ADAMTS12: variants seen among roughly 807,000 people sequenced by gnomAD.
ADAMTS12 encodes the protein A disintegrin and metalloproteinase with thrombospondin motifs 12.
ADAMTS12 carries 118 observed loss-of-function variants against 167.8 expected under a neutral mutation model. The observed-to-expected ratio is 0.70, with a 90% CI of 0.61 to 0.82. The LOEUF (loss-of-function observed/expected upper bound fraction) is 0.82, where lower values mean the gene tolerates loss of function less well. Among genes scored for constraint, ADAMTS12 ranks in the 40% least tolerant of loss-of-function variants. The pLI, the probability that ADAMTS12 is intolerant of heterozygous loss-of-function variation, is 0.00. For synonymous variants in ADAMTS12, 704 were observed against 716.9 expected (o/e 0.98, Z 0.29); for missense variants, 1,916 against 1,998.8 (o/e 0.96, Z 0.79).
At chr5:33,850,661 A>G (rs1365793746) in intron 2 of ADAMTS12, among the ~76,000 whole-genome samples, 1 of 152,210 alleles carries the variant, frequency 6.6e-6, no homozygotes, top group African/African-American at 2.4e-5. Context: ...ACTCTGGATG[A>G]CCTGGGCTAG....
intron 22 of ADAMTS12, among the ~76,000 whole-genome samples, chr5:33,540,510 T>G (rs1579638242): frequency 6.6e-6 from 1 of 152,346 alleles, no homozygotes; most frequent in Admixed American, 6.5e-5. Context: ...CCTCCTCAAG[T>G]GGGTCCCTGA....
intron 18 of ADAMTS12, 100 bp from the exon 19 acceptor site, chr5:33,577,260 T>A: frequency 6.5e-7 from 1 of 1,530,262 alleles, no homozygotes; most frequent in Non-Finnish European, 8.9e-7. Context: ...GAAACTAAAC[T>A]ATGCAGCTAA....
intron 2 of ADAMTS12, among the ~76,000 whole-genome samples, chr5:33,762,095 G>A (rs996632887): frequency 6.6e-6 from 1 of 152,204 alleles, no homozygotes; most frequent in Non-Finnish European, 1.5e-5. Context: ...AGGAGGCTGA[G>A]ACAGGAGAAT....
Position 33,614,267 on chromosome 5 carries a change from C to T in ADAMTS12, c.2498G>A (p.Trp833Ter). 6.2e-7 allele frequency: 1 copy of T among 1,613,982 alleles called. No homozygotes were observed. The highest frequency in any genetic ancestry group is 8.5e-7 in the Non-Finnish European group (1 of 1,179,952). The change falls in exon 16 of 24, where the codon TGG (tryptophan) becomes TAG (stop). Residue 833 changes from tryptophan to a stop codon, truncating the protein, a stop_gained. Coordinates refer to ENST00000504830, the MANE Select transcript of ADAMTS12 (RefSeq NM_030955.4). LOFTEE classifies it high-confidence loss of function. ...CCCGCAGGTCACACTGCACTCTGTC[C>T]AGTGGCCGTACTGCCAGAAGTACAT... ...QQMYFWQYGH[W>*]TECSVTCGTG... is the part of the protein sequence containing the mutation.
In ADAMTS12 at chr5:33,741,665, G is replaced by T. The variant is rs151160981; in HGVS notation, c.634+9739C>A. On this transcript the variant is annotated intron_variant, in intron 3 of 23. Transcript: ENST00000504830. The stretch of plus-strand genomic sequence containing the variant: ...TTTTTTGGAGATGGAGTCTCACTCT[G>T]TCGCCAGGCTGGAGTGCAGTGGTGC... 4.8e-3 allele frequency among the ~76,000 whole-genome samples: 734 copies of T among 152,104 alleles called. 6 individuals are homozygous for T. The highest frequency in any genetic ancestry group is 0.017 in the African/African-American group (702 of 41,482).
chr5:33,831,316 A>G (rs954094428), intron 2 of ADAMTS12, among the ~76,000 whole-genome samples: 1 of 152,372 alleles, frequency 6.6e-6, no homozygotes, highest in Middle Eastern at 3.4e-3. Flanking sequence ...TACAATGGAA[A>G]GATGACAGAA....
chr5:33,683,406 T>C (rs938999622), intron 4 of ADAMTS12, among the ~76,000 whole-genome samples: 7 of 152,224 alleles, frequency 4.6e-5, no homozygotes, highest in Admixed American at 3.3e-4. Flanking sequence ...TTTTCCCACC[T>C]CAATAGGACT....
chr5:33,624,183 C>T, intron 14 of ADAMTS12, 48 bp downstream of exon 14: 1 of 1,609,968 alleles, frequency 6.2e-7, no homozygotes, highest in Non-Finnish European at 8.5e-7. Flanking sequence ...TTTATCTTGC[C>T]CCCCACCTTT....
chr5:33,625,862 A>T (rs963808052), intron 13 of ADAMTS12, among the ~76,000 whole-genome samples: 5 of 152,194 alleles, frequency 3.3e-5, no homozygotes, highest in Admixed American at 2.0e-4. Flanking sequence ...ATGAAGACAT[A>T]AACCAGTCCT....
intron 2 of ADAMTS12, among the ~76,000 whole-genome samples, chr5:33,864,923 G>A (rs1254649403): frequency 6.6e-6 from 1 of 152,060 alleles, no homozygotes; most frequent in African/African-American, 2.4e-5. Context: ...AACCACCATG[G>A]CCCATGTATA....
chr5:33,606,010 C>T (rs1020789103), intron 16 of ADAMTS12, among the ~76,000 whole-genome samples: 1 of 152,120 alleles, frequency 6.6e-6, no homozygotes, highest in African/African-American at 2.4e-5. Context: ...TGCAGAGGTG[C>T]AATCTCGACT....
intron 3 of ADAMTS12, among the ~76,000 whole-genome samples, chr5:33,719,368 C>A (rs186358654): frequency 6.6e-6 from 1 of 152,226 alleles, no homozygotes; most frequent in East Asian, 1.9e-4. Flanking sequence ...GAGCAGGCAC[C>A]CTCATACACT....
intron 16 of ADAMTS12, among the ~76,000 whole-genome samples, chr5:33,613,473 C>CG (rs1738832935): frequency 6.6e-6 from 1 of 152,150 alleles, no homozygotes; most frequent in Non-Finnish European, 1.5e-5. Context: ...CGCCAACCAA[C>CG]GAGATGTGAG....
chr5:33,813,885 A>T (rs1431348782), intron 2 of ADAMTS12, among the ~76,000 whole-genome samples: 1 of 152,240 alleles, frequency 6.6e-6, no homozygotes, highest in African/African-American at 2.4e-5. Flanking sequence ...TGCTCAAATT[A>T]CAAAAATAAC....
chr5:33,648,624 C>T (rs1460354274), intron 9 of ADAMTS12, among the ~76,000 whole-genome samples, 198 bp downstream of exon 9: 2 of 152,178 alleles, frequency 1.3e-5, no homozygotes, highest in East Asian at 1.9e-4. Context: ...ATATAGGCTT[C>T]GTAGAATACC....
intron 3 of ADAMTS12, among the ~76,000 whole-genome samples, chr5:33,693,631 A>C (rs188954400): frequency 7.2e-5 from 11 of 152,274 alleles, no homozygotes; most frequent in Admixed American, 5.2e-4. Flanking sequence ...TCCATGATAA[A>C]AATCCTCAAC....
intron 7 of ADAMTS12, among the ~76,000 whole-genome samples, chr5:33,650,807 CTT>C (rs1157436827): frequency 1.3e-5 from 2 of 152,210 alleles, no homozygotes; most frequent in Non-Finnish European, 1.5e-5. Flanking sequence ...CTGGGGTGGA[CTT>C]TGAGACACTA....
chr5:33,672,124 C>T (rs1229292046), intron 5 of ADAMTS12, among the ~76,000 whole-genome samples: 3 of 151,214 alleles, frequency 2.0e-5, no homozygotes, highest in African/African-American at 7.3e-5. Flanking sequence ...CACATCCACA[C>T]ACACCCACAT....
intron 5 of ADAMTS12, among the ~76,000 whole-genome samples, chr5:33,678,480 A>T (rs1247746066): frequency 6.6e-6 from 1 of 152,192 alleles, no homozygotes; most frequent in Non-Finnish European, 1.5e-5. Context: ...GTTTTATGGG[A>T]GTCAATAACA....
Sources: allele counts gnomAD v4.1 joint callset (sites outside exome capture counted in the v4.1 genomes callset), GRCh38; gene constraint gnomAD v4.1.1; transcripts MANE v1.5; gene names NCBI Gene and HGNC (gene_info 2026-07-23, HGNC 2026-07-21).